Variants in MTUS2 observed in about 807,000 individuals in gnomAD.
MTUS2 encodes microtubule-associated tumor suppressor candidate 2.
MTUS2 carries 40 observed loss-of-function variants against 114.1 expected under a neutral mutation model. The observed-to-expected ratio is 0.35, with a 90% CI of 0.27 to 0.46. The LOEUF is 0.46. MTUS2 is among the 20% of genes least tolerant of loss of function. The pLI is 1.00. For synonymous variants in MTUS2, 688 were observed against 672.0 expected (o/e 1.02, Z -0.37); for missense variants, 1,679 against 1,705.4 (o/e 0.98, Z 0.27).
intron 8 of MTUS2, among the ~76,000 whole-genome samples, chr13:29,379,394 C>T (rs774863765): frequency 1.3e-5 from 2 of 152,160 alleles, no homozygotes; most frequent in Admixed American, 1.3e-4. Flanking sequence ...GCCATTAGAC[C>T]TATAGAAGAG....
rs539117530 is a variant in MTUS2, at chr13:29,052,783, G to A, written c.2446+18658G>A. Among the ~76,000 whole-genome samples, 4 of 152,270 alleles carry A rather than the reference G, an allele frequency of 2.6e-5. No individual in the cohort carries two copies. The South Asian group carries it at 6.2e-4, about 24-fold the overall frequency. On this transcript the variant is annotated intron_variant, in intron 4 of 15. Transcript: ENST00000612955. ...GTATAATGATGATTGATATGGTGCTGTATCCCCACCCAAATCTCACCTTGA... is the reference window on the plus strand; with the variant it reads ...GTATAATGATGATTGATATGGTGCTATATCCCCACCCAAATCTCACCTTGA...
In MTUS2 at chr13:28,996,471, T is replaced by A. The variant is rs571309600; in HGVS notation, c.-242-27986T>A. ...TTGATTGGAATAGTTTCAGAAGGAA[T>A]GGTAGCAGCTCCTCCTTGTACCTCT... On this transcript the variant is annotated intron_variant, in intron 2 of 15. Coordinates refer to ENST00000612955, the MANE Select transcript of MTUS2 (RefSeq NM_001033602.4). 6.4e-3 allele frequency among the ~76,000 whole-genome samples: 975 copies of A among 152,328 alleles called. 7 individuals carry two copies. Among genetic ancestry groups the A allele is most frequent in the African/African-American group, 0.021 (858 of 41,562 alleles).
chr13:29,170,092 A>G (rs1008329218), intron 5 of MTUS2, among the ~76,000 whole-genome samples: 1 of 152,292 alleles, frequency 6.6e-6, no homozygotes, highest in Non-Finnish European at 1.5e-5. Context: ...TTGCCTGCAG[A>G]CATGAGAACC....
chr13:29,348,596 T>A (rs1228354989), intron 7 of MTUS2, among the ~76,000 whole-genome samples: 1 of 152,224 alleles, frequency 6.6e-6, no homozygotes, highest in African/African-American at 2.4e-5. Context: ...CATTGTCAAG[T>A]ATTCTATACC....
At chr13:29,433,338 G>C (rs1447055813) in intron 8 of MTUS2, among the ~76,000 whole-genome samples, 3 of 152,202 alleles carry the variant, frequency 2.0e-5, no homozygotes, top group African/African-American at 7.2e-5. Context: ...ACACTGAAAT[G>C]TATTGAAGAG....
At chr13:28,825,223 A>G (rs117405171) in intron 1 of MTUS2, among the ~76,000 whole-genome samples, 117 of 152,290 alleles carry the variant, frequency 7.7e-4, no homozygotes, top group Non-Finnish European at 1.5e-3. Flanking sequence ...CCATACCTGA[A>G]TAGGAGTAAG....
chr13:29,302,699 G>C (rs1899259245), intron 6 of MTUS2, among the ~76,000 whole-genome samples: 1 of 152,224 alleles, frequency 6.6e-6, no homozygotes, highest in African/African-American at 2.4e-5. Context: ...CATCTCTGTG[G>C]TTCAGTTGAC....
intron 2 of MTUS2, among the ~76,000 whole-genome samples, chr13:28,862,256 A>C (rs939761211): frequency 6.6e-6 from 1 of 152,234 alleles, no homozygotes; most frequent in Non-Finnish European, 1.5e-5. Context: ...CAAATTCTGC[A>C]TGATTACATA....
At chr13:28,863,310 C>T (rs1195016500) in intron 2 of MTUS2, among the ~76,000 whole-genome samples, 4 of 152,172 alleles carry the variant, frequency 2.6e-5, no homozygotes, top group African/African-American at 9.7e-5. Flanking sequence ...TATTAAAATC[C>T]AGACGCTTTT....
chr13:29,182,329 C>T (rs370941850), intron 5 of MTUS2, among the ~76,000 whole-genome samples: 4 of 152,344 alleles, frequency 2.6e-5, no homozygotes, highest in African/African-American at 7.2e-5. Context: ...TCTATACAGT[C>T]TCCACTGATG....
intron 2 of MTUS2, among the ~76,000 whole-genome samples, chr13:28,960,043 A>ATAGATACCGAT (rs1256274052): frequency 6.6e-6 from 1 of 152,264 alleles, no homozygotes; most frequent in South Asian, 2.1e-4. Flanking sequence ...AAGACAATCA[A>ATAGATACCGAT]TAGATACCGA....
chr13:29,026,071 G>A lies in MTUS2; in HGVS notation c.1373G>A (p.Arg458Gln), dbSNP rs191121454. 5.0e-4 allele frequency: 805 copies of A among 1,613,940 alleles called. 2 individuals carry two copies. The highest frequency in any genetic ancestry group is 4.9e-3 in the Middle Eastern group (30 of 6,062). ...KPLDVIEEER[R>Q]LGSGNKDSVM... ...TTGGATGTCATTGAGGAGGAAAGGC[G>A]GTTGGGCAGTGGGAATAAGGACAGT... Residue 458 changes from arginine (R) to glutamine (Q), a missense_variant, in exon 3 of 16, where the codon CGG becomes CAG. Coordinates refer to ENST00000612955, the MANE Select transcript of MTUS2 (RefSeq NM_001033602.4).
chr13:29,450,081 A>G (rs1407510304), intron 9 of MTUS2, among the ~76,000 whole-genome samples: 1 of 152,158 alleles, frequency 6.6e-6, no homozygotes, highest in South Asian at 2.1e-4. Flanking sequence ...CATCACATCT[A>G]TATTCCAGGT....
chr13:29,097,947 T>C (rs1455584512), intron 4 of MTUS2, among the ~76,000 whole-genome samples: 1 of 152,220 alleles, frequency 6.6e-6, no homozygotes, highest in East Asian at 1.9e-4. Flanking sequence ...TTTATAAATA[T>C]GTCTTTCTTA....
At chr13:28,841,116 C>T (rs200605201) in intron 2 of MTUS2, among the ~76,000 whole-genome samples, 9 of 115,754 alleles carry the variant, frequency 7.8e-5, no homozygotes, top group South Asian at 2.7e-4. Context: ...TTCAGAATGT[C>T]GAGTGTATTC....
chr13:29,431,708 A>G (rs1187750694), intron 8 of MTUS2, among the ~76,000 whole-genome samples: 6 of 152,238 alleles, frequency 3.9e-5, no homozygotes, highest in African/African-American at 1.4e-4. Flanking sequence ...ACATAAGGAA[A>G]GGTCTTTTAG....
chr13:29,455,581 A>G (rs908976010), intron 9 of MTUS2, among the ~76,000 whole-genome samples: 18 of 152,236 alleles, frequency 1.2e-4, no homozygotes, highest in African/African-American at 4.1e-4. Flanking sequence ...AGACAGTGTC[A>G]TACCAACTCC....
At chr13:29,489,567 G>A (rs374369772) in intron 11 of MTUS2, 2 of 152,058 alleles carry the variant, frequency 1.3e-5, no homozygotes, top group Admixed American at 6.5e-5. Flanking sequence ...CTCTACCCTC[G>A]GCTACACATT....
chr13:29,034,172 A>G, intron 4 of MTUS2, 47 bp downstream of exon 4: 1 of 1,609,062 alleles, frequency 6.2e-7, no homozygotes, highest in Non-Finnish European at 8.5e-7. Context: ...ACGTTTAGAT[A>G]GTCATCATGT....
Sources: allele counts gnomAD v4.1 joint callset (sites outside exome capture counted in the v4.1 genomes callset), GRCh38; gene constraint gnomAD v4.1.1; transcripts MANE v1.5; gene names NCBI Gene and HGNC (gene_info 2026-07-23, HGNC 2026-07-21).